Variants in GRID2 observed in about 807,000 individuals in gnomAD.
GRID2 encodes glutamate ionotropic receptor delta type subunit 2, also known as glutamate receptor ionotropic, delta-2.
A neutral mutation model predicts 114.8 loss-of-function variants in GRID2; 33 were observed. The observed-to-expected ratio is 0.29, with a 90% CI of 0.22 to 0.38. The LOEUF (loss-of-function observed/expected upper bound fraction) is 0.38, where lower values mean the gene tolerates loss of function less well. GRID2 is among the 10% of genes least tolerant of loss of function. The pLI is 1.00. For missense variants in GRID2, 1,184 were observed against 1,257.7 expected, an observed-to-expected ratio of 0.94 and a Z score of 0.89; for synonymous variants, 505 against 449.9, an observed-to-expected ratio of 1.12 and a Z score of -1.55.
chr4:92,329,265 A>G (rs1205134946), intron 1 of GRID2, among the ~76,000 whole-genome samples: 1 of 152,066 alleles, frequency 6.6e-6, no homozygotes, highest in Non-Finnish European at 1.5e-5. Context: ...ATAGTACAGA[A>G]CTGTGCTTGC....
chr4:92,654,392 C>T (rs1352670090), intron 2 of GRID2, among the ~76,000 whole-genome samples: 1 of 152,012 alleles, frequency 6.6e-6, no homozygotes, highest in African/African-American at 2.4e-5. Context: ...AGGATATCAA[C>T]ATGGATTTCA....
intron 8 of GRID2, among the ~76,000 whole-genome samples, chr4:93,308,335 T>C (rs1755656278): frequency 6.6e-6 from 1 of 152,182 alleles, no homozygotes; most frequent in African/African-American, 2.4e-5. Flanking sequence ...CCTGTGAATC[T>C]ATTACAGTTC....
At chr4:93,612,371 T>G (rs981415079) in intron 13 of GRID2, among the ~76,000 whole-genome samples, 2 of 150,556 alleles carry the variant, frequency 1.3e-5, no homozygotes, top group Non-Finnish European at 3.0e-5. Context: ...TAGCTGGTTA[T>G]TTTGCTTGTT....
intron 10 of GRID2, among the ~76,000 whole-genome samples, chr4:93,432,719 A>G (rs1434120633): frequency 6.6e-6 from 1 of 152,118 alleles, no homozygotes; most frequent in Non-Finnish European, 1.5e-5. Context: ...CCATAGAAAG[A>G]ATGAACTCTA....
chr4:92,360,521 A>T (rs1055660431), intron 1 of GRID2, among the ~76,000 whole-genome samples: 1 of 152,068 alleles, frequency 6.6e-6, no homozygotes, highest in African/African-American at 2.4e-5. Flanking sequence ...TTCCTAAAAA[A>T]ATTCATAGTC....
intron 14 of GRID2, among the ~76,000 whole-genome samples, chr4:93,678,777 G>A (rs1467777292): frequency 2.6e-5 from 4 of 151,172 alleles, no homozygotes; most frequent in Non-Finnish European, 4.4e-5. Flanking sequence ...CCTGAAGGAA[G>A]CACTAAACAT....
intron 14 of GRID2, among the ~76,000 whole-genome samples, chr4:93,750,850 T>A (rs1443059090): frequency 1.3e-5 from 2 of 152,132 alleles, no homozygotes; most frequent in Non-Finnish European, 2.9e-5. Context: ...TTAAAAGAGA[T>A]GAGTTAGTTC....
chr4:92,405,760 A>T (rs1035908517), intron 1 of GRID2, among the ~76,000 whole-genome samples: 8 of 152,150 alleles, frequency 5.3e-5, no homozygotes, highest in African/African-American at 1.9e-4. Flanking sequence ...ATGAGGTCTT[A>T]TTTCTAATGG....
At chr4:93,463,994 C>A (rs1308812554) in intron 11 of GRID2, among the ~76,000 whole-genome samples, 3 of 151,606 alleles carry the variant, frequency 2.0e-5, no homozygotes, top group African/African-American at 7.3e-5. Context: ...ATCTCAAAAA[C>A]AAAAACAAAA....
chr4:93,368,438 A>G (rs533571042), intron 8 of GRID2, among the ~76,000 whole-genome samples: 12 of 152,102 alleles, frequency 7.9e-5, no homozygotes, highest in African/African-American at 2.4e-4. Context: ...GTTTTAGGGT[A>G]CATGTGCACA....
intron 2 of GRID2, among the ~76,000 whole-genome samples, chr4:92,867,503 A>G (rs1194842185): frequency 6.6e-6 from 1 of 151,978 alleles, no homozygotes; most frequent in Non-Finnish European, 1.5e-5. Flanking sequence ...TAGCTTGAGT[A>G]CTCCAGTCAG....
At chr4:93,187,345 C>T (rs115724192) in intron 4 of GRID2, among the ~76,000 whole-genome samples, 3,614 of 150,950 alleles carry the variant, frequency 0.024, 130 homozygotes, top group African/African-American at 0.083. Context: ...GGTGTGATCT[C>T]GGCTCTTAGC....
chr4:93,550,744 A>G (rs1317769624), intron 13 of GRID2, among the ~76,000 whole-genome samples: 1 of 152,234 alleles, frequency 6.6e-6, no homozygotes, highest in African/African-American at 2.4e-5. Flanking sequence ...AAAGCTGAAC[A>G]TCATATTCCA....
At chr4:93,066,031 A>G (rs1328185223) in intron 2 of GRID2, among the ~76,000 whole-genome samples, 1 of 151,836 alleles carries the variant, frequency 6.6e-6, no homozygotes, top group East Asian at 1.9e-4. Flanking sequence ...TTTAGAGGTG[A>G]GGAAAATGAA....
At chr4:93,006,195 A>G (rs1412288052) in intron 2 of GRID2, among the ~76,000 whole-genome samples, 1 of 152,126 alleles carries the variant, frequency 6.6e-6, no homozygotes, top group Non-Finnish European at 1.5e-5. Context: ...ACTAAAATAC[A>G]TTCAATACAA....
At chr4:92,323,882 T>TAC (rs1726456592) in intron 1 of GRID2, among the ~76,000 whole-genome samples, 1 of 152,020 alleles carries the variant, frequency 6.6e-6, no homozygotes, top group African/African-American at 2.4e-5. Context: ...CAGGTAGGAA[T>TAC]TTTTTGAATA....
At chr4:92,417,076 C>T (rs1457151409) in intron 1 of GRID2, among the ~76,000 whole-genome samples, 3 of 151,942 alleles carry the variant, frequency 2.0e-5, no homozygotes, top group Non-Finnish European at 4.4e-5. Flanking sequence ...CTTCTTTCAT[C>T]AGTGTTTTCA....
rs558251533 is a variant in GRID2 at position 93,792,623 on chromosome 4, A to G, written c.222-14092A>G. On this transcript the variant is annotated intron_variant, in intron 1 of 1. Transcript: ENST00000637838. ...ACCACACCCCTTTCACCCCACTTTT[A>G]ATTCTGAATAAAGTGAATGTCAGGA... 3.9e-5 allele frequency among the ~76,000 whole-genome samples: 6 copies of G among 152,282 alleles called. No individual in the cohort carries two copies. The South Asian group carries it at 1.2e-3, about 32-fold the overall frequency.
chr4:92,681,216 A>T (rs1395277152), intron 2 of GRID2, among the ~76,000 whole-genome samples: 1 of 152,198 alleles, frequency 6.6e-6, no homozygotes, highest in East Asian at 1.9e-4. Flanking sequence ...GGGACAGGGA[A>T]CACATCAGTG....
Sources: gnomAD v4.1 joint callset for allele counts (sites outside exome capture counted in the v4.1 genomes callset) on GRCh38, gnomAD v4.1.1 for gene constraint, MANE v1.5 for transcripts, NCBI Gene and HGNC (gene_info 2026-07-23, HGNC 2026-07-21) for gene names.